NR6A1: variants seen among roughly 807,000 people sequenced by gnomAD.
The protein encoded by NR6A1 is nuclear receptor subfamily 6 group A member 1, also known as retinoic acid receptor-related testis-associated receptor.
Under a neutral mutation model 59.1 loss-of-function variants are expected in NR6A1, and 7 were observed. The observed-to-expected ratio is 0.12, with a 90% CI of 0.07 to 0.22. The LOEUF is 0.22. NR6A1 is among the 10% of genes least tolerant of loss of function. NR6A1 has a pLI of 1.00. For missense variants in NR6A1, 468 were observed against 611.6 expected, an observed-to-expected ratio of 0.77 and a Z score of 2.48; for synonymous variants, 243 against 236.1, an observed-to-expected ratio of 1.03 and a Z score of -0.27.
At chr9:124,767,119 C>T (rs967973554) in intron 1 of NR6A1, among the ~76,000 whole-genome samples, 3 of 152,136 alleles carry the variant, frequency 2.0e-5, no homozygotes, top group Admixed American at 2.0e-4. Flanking sequence ...TATTTTCCAC[C>T]TTTGCCCCAA....
chr9:124,537,426 T>C (rs79521837), intron 6 of NR6A1, among the ~76,000 whole-genome samples: 1,580 of 152,252 alleles, frequency 0.01, 28 homozygotes, highest in African/African-American at 0.036. Context: ...GTGACCTCCT[T>C]GTGGGTAGAT....
At chr9:124,688,609 C>CT in intron 2 of NR6A1, among the ~76,000 whole-genome samples, 1 of 152,316 alleles carries the variant, frequency 6.6e-6, no homozygotes, top group Admixed American at 6.5e-5. Flanking sequence ...GTATTCACTG[C>CT]TACTGGCCAA....
chr9:124,570,682 T>C (rs1397885317), intron 2 of NR6A1, among the ~76,000 whole-genome samples: 2 of 151,172 alleles, frequency 1.3e-5, no homozygotes, highest in African/African-American at 4.9e-5. Context: ...AGAAATCTAT[T>C]ATTTGTCTTA....
At chr9:124,629,664 T>C (rs1836366296) in intron 2 of NR6A1, among the ~76,000 whole-genome samples, 1 of 152,212 alleles carries the variant, frequency 6.6e-6, no homozygotes, top group Non-Finnish European at 1.5e-5. Flanking sequence ...GGTGTCCTGA[T>C]TGTTTTACCT....
rs1832950758 is a variant in NR6A1, at chr9:124,526,799, G to A, written c.1181C>T (p.Ala394Val). Residue 394 changes from alanine to valine, a missense_variant, in exon 8 of 10, where the codon GCA becomes GTA. Ala to Val is a moderately conservative substitution (Grantham distance 64). Transcript: ENST00000487099. ...VSNEEYACMK[A>V]INFLNQDIRG... ...CTCACCTTGATTTAGGAAGTTAATT[G>A]CTTTCATGCAAGCATACTCCTCGTT... is the stretch of plus-strand genomic sequence containing the variant. 3 of 1,613,730 alleles carry A rather than the reference G, an allele frequency of 1.9e-6. No individual in the cohort carries two copies. The highest frequency in any genetic ancestry group is 1.7e-5 in the Admixed American group (1 of 59,988).
chr9:124,563,968 CCTGGGATA>C (rs1213991934), intron 2 of NR6A1, among the ~76,000 whole-genome samples: 1 of 152,066 alleles, frequency 6.6e-6, no homozygotes, highest in East Asian at 1.9e-4. Flanking sequence ...GTCCTAGCTA[CCTGGGATA>C]CTGAGGTGGG....
chr9:124,714,216 T>G (rs1839355825), intron 2 of NR6A1, among the ~76,000 whole-genome samples: 1 of 152,208 alleles, frequency 6.6e-6, no homozygotes, highest in Admixed American at 6.5e-5. Flanking sequence ...AAAAGTAGAA[T>G]GGTGGTTACC....
At chr9:124,529,111 T>G (rs1833024674) in intron 7 of NR6A1, among the ~76,000 whole-genome samples, 1 of 152,208 alleles carries the variant, frequency 6.6e-6, no homozygotes, top group Non-Finnish European at 1.5e-5. Context: ...TCAGTTTCTC[T>G]CTACCTGGCC....
At chr9:124,638,398 T>C (rs1402689603) in intron 2 of NR6A1, among the ~76,000 whole-genome samples, 1 of 152,212 alleles carries the variant, frequency 6.6e-6, no homozygotes, top group East Asian at 1.9e-4. Context: ...CAATTTTTCC[T>C]ATGGTCTTTT....
chr9:124,562,137 G>A (rs1258317085), intron 2 of NR6A1, among the ~76,000 whole-genome samples: 2 of 152,090 alleles, frequency 1.3e-5, no homozygotes, highest in Non-Finnish European at 2.9e-5. Context: ...CTCCAACTTG[G>A]GTTTCCTCTG....
intron 1 of NR6A1, among the ~76,000 whole-genome samples, chr9:124,741,718 G>A (rs939845399): frequency 7.9e-5 from 12 of 152,224 alleles, no homozygotes; most frequent in Admixed American, 2.0e-4. Flanking sequence ...ACACTGGGAA[G>A]CAGTGCAGAG....
intron 2 of NR6A1, among the ~76,000 whole-genome samples, chr9:124,564,021 T>C (rs1834160688): frequency 6.6e-6 from 1 of 152,168 alleles, no homozygotes; most frequent in East Asian, 1.9e-4. Context: ...AAAGCTGCAA[T>C]GAGCTCTGAC....
intron 1 of NR6A1, among the ~76,000 whole-genome samples, chr9:124,766,353 A>C (rs1040603799): frequency 2.0e-5 from 3 of 152,250 alleles, no homozygotes; most frequent in Admixed American, 6.5e-5. Flanking sequence ...AAATGCTCTC[A>C]AAGTATTACA....
At chr9:124,652,065 C>T (rs1837122192) in intron 2 of NR6A1, among the ~76,000 whole-genome samples, 1 of 152,182 alleles carries the variant, frequency 6.6e-6, no homozygotes, top group African/African-American at 2.4e-5. Flanking sequence ...AGACTAACCT[C>T]CTGTTTTTTA....
At chr9:124,566,564 A>G (rs1834246543) in intron 2 of NR6A1, among the ~76,000 whole-genome samples, 1 of 152,184 alleles carries the variant, frequency 6.6e-6, no homozygotes, top group East Asian at 1.9e-4. Flanking sequence ...TACATCTTGA[A>G]AACTGATTTG....
intron 2 of NR6A1, among the ~76,000 whole-genome samples, chr9:124,628,970 C>T (rs1836340945): frequency 6.6e-6 from 1 of 152,164 alleles, no homozygotes; most frequent in Non-Finnish European, 1.5e-5. Context: ...CTGGCCTTTG[C>T]TTTTAATGTC....
chr9:124,596,922 T>A (rs913297105), intron 2 of NR6A1, among the ~76,000 whole-genome samples: 4 of 152,262 alleles, frequency 2.6e-5, no homozygotes, highest in African/African-American at 9.6e-5. Flanking sequence ...AAATGCTTTT[T>A]AACTGTGTAA....
chr9:124,657,722 G>A (rs946363895), intron 2 of NR6A1, among the ~76,000 whole-genome samples: 6 of 151,930 alleles, frequency 3.9e-5, no homozygotes, highest in Admixed American at 1.3e-4. Context: ...AGCTCAGTAG[G>A]GTCCATGCTT....
chr9:124,674,816 C>A (rs1383518732), intron 2 of NR6A1, among the ~76,000 whole-genome samples: 1 of 152,136 alleles, frequency 6.6e-6, no homozygotes, highest in Non-Finnish European at 1.5e-5. Flanking sequence ...GTGACCTCAT[C>A]CATCCAGAAA....
Sources: gnomAD v4.1 joint callset for allele counts (sites outside exome capture counted in the v4.1 genomes callset) on GRCh38, gnomAD v4.1.1 for gene constraint, MANE v1.5 for transcripts, NCBI Gene and HGNC (gene_info 2026-07-23, HGNC 2026-07-21) for gene names.